PPP2R2B: variants seen among roughly 807,000 people sequenced by gnomAD.
The protein encoded by PPP2R2B is serine/threonine-protein phosphatase 2A 55 kDa regulatory subunit B beta isoform.
Under a neutral mutation model 46.0 loss-of-function variants are expected in PPP2R2B, and 5 were observed. The observed-to-expected ratio is 0.11, with a 90% CI of 0.06 to 0.23. PPP2R2B has a LOEUF of 0.23. Ranked by LOEUF, PPP2R2B falls within the 10% of genes least tolerant of loss-of-function variation. PPP2R2B has a pLI of 1.00. For missense variants in PPP2R2B, 367 were observed against 575.0 expected (o/e 0.64, Z 3.70); for synonymous variants, 215 against 206.7 (o/e 1.04, Z -0.34).
intron 2 of PPP2R2B, among the ~76,000 whole-genome samples, chr5:146,856,091 G>A (rs1044017903): frequency 6.6e-6 from 1 of 151,850 alleles, no homozygotes; most frequent in Non-Finnish European, 1.5e-5. Flanking sequence ...TTTTCTTTGT[G>A]TCTTGACCCC....
At chr5:147,015,276 C>A (rs1444579340) in intron 1 of PPP2R2B, among the ~76,000 whole-genome samples, 1 of 151,578 alleles carries the variant, frequency 6.6e-6, no homozygotes, top group Non-Finnish European at 1.5e-5. Flanking sequence ...TTTTAAAATT[C>A]TCATTGAATT....
chr5:146,661,332 C>T (rs779748225), intron 5 of PPP2R2B, among the ~76,000 whole-genome samples: 11 of 152,050 alleles, frequency 7.2e-5, no homozygotes, highest in Non-Finnish European at 1.2e-4. Flanking sequence ...GAACACAGTC[C>T]AAATCTAGGG....
intron 2 of PPP2R2B, among the ~76,000 whole-genome samples, chr5:146,843,832 T>G (rs1266922470): frequency 1.3e-5 from 2 of 152,084 alleles, no homozygotes; most frequent in African/African-American, 4.8e-5. Flanking sequence ...TGCCACATTT[T>G]CTTAATCCAG....
chr5:146,669,099 A>G (rs2151118401), intron 5 of PPP2R2B, among the ~76,000 whole-genome samples: 1 of 152,326 alleles, frequency 6.6e-6, no homozygotes, highest in East Asian at 1.9e-4. Context: ...GTTCATTTAA[A>G]ATCACTGTAG....
At chr5:146,639,488 A>G (rs1775051266) in intron 6 of PPP2R2B, among the ~76,000 whole-genome samples, 1 of 152,160 alleles carries the variant, frequency 6.6e-6, no homozygotes, top group Non-Finnish European at 1.5e-5. Flanking sequence ...TGAGTGAAGG[A>G]GTGGGTTTGT....
Position 146,999,885 on chromosome 5 carries a change from G to A in PPP2R2B, c.79+55780C>T, listed in dbSNP as rs78476464. The stretch of plus-strand genomic sequence containing the variant: ...TACATACTGCATGTAAAGGCCACAG[G>A]GAAAGTCTTGAAACTTGAACTTCCA... On this transcript the variant is annotated intron_variant, in intron 1 of 8. Coordinates refer to the PPP2R2B transcript ENST00000336640. 1.3e-4 allele frequency among the ~76,000 whole-genome samples: 20 copies of A among 152,290 alleles called. No individual in the cohort carries two copies. In the East Asian group the frequency reaches 3.9e-3, roughly 29 times the overall value.
chr5:146,775,082 A>G (rs1001056329), intron 2 of PPP2R2B, among the ~76,000 whole-genome samples: 9 of 152,150 alleles, frequency 5.9e-5, no homozygotes, highest in Non-Finnish European at 1.5e-5. Flanking sequence ...ATCCTTCTCA[A>G]ACTCTTTCAA....
rs186218177 is a variant in PPP2R2B at position 146,854,330 on chromosome 5, T to A, written c.70+23672A>T. Among the ~76,000 whole-genome samples, 55 of 152,266 alleles carry A rather than the reference T, an allele frequency of 3.6e-4. 1 individual carries two copies. The East Asian group carries it at 0.01, about 28-fold the overall frequency. On this transcript the variant is annotated intron_variant, in intron 2 of 9. Transcript: ENST00000394411. The stretch of plus-strand genomic sequence containing the variant: ...ATGTTACATATTTATGGGGTACATG[T>A]GATATTTTATTACATGCATAGAATG...
chr5:146,761,860 A>G (rs569697488), intron 2 of PPP2R2B, among the ~76,000 whole-genome samples: 1 of 152,100 alleles, frequency 6.6e-6, no homozygotes, highest in Non-Finnish European at 1.5e-5. Flanking sequence ...CCCTGGCTTG[A>G]TGAGGGATAA....
chr5:146,733,156 C>T (rs1490807070), intron 2 of PPP2R2B, among the ~76,000 whole-genome samples: 2 of 152,166 alleles, frequency 1.3e-5, no homozygotes, highest in South Asian at 2.1e-4. Context: ...AGGTGCTGTT[C>T]CCGCAATCTG....
chr5:146,591,660 A>AGAG (rs960291290), intron 9 of PPP2R2B, among the ~76,000 whole-genome samples: 2 of 150,300 alleles, frequency 1.3e-5, no homozygotes, highest in African/African-American at 5.0e-5. Flanking sequence ...TAAACAAGTA[A>AGAG]GAGATTATTT....
intron 2 of PPP2R2B, among the ~76,000 whole-genome samples, chr5:146,744,404 T>C (rs2151225234): frequency 6.6e-6 from 1 of 152,344 alleles, no homozygotes. Context: ...AACTTGGCCC[T>C]TAGGCTTCAG....
rs535418955 is a variant in PPP2R2B at position 146,823,947 on chromosome 5, G to A, written c.70+54055C>T. On this transcript the variant is annotated intron_variant, in intron 2 of 9. Coordinates refer to ENST00000394411, the MANE Select transcript of PPP2R2B (RefSeq NM_181675.4). Reference sequence around the variant, plus strand: ...AGCAAGTACCATCTGAAAGCTTAGGGGTAGCACTCCATTTCCCTCCTGGAT... The same window carrying A: ...AGCAAGTACCATCTGAAAGCTTAGGAGTAGCACTCCATTTCCCTCCTGGAT... Among the ~76,000 whole-genome samples the A allele has an allele frequency of 1.6e-4, 25 of 152,206 alleles. 1 individual carries two copies. The South Asian group carries it at 4.6e-3, about 28-fold the overall frequency.
chr5:146,913,908 G>A (rs1763281301), intron 1 of PPP2R2B, among the ~76,000 whole-genome samples: 2 of 152,130 alleles, frequency 1.3e-5, no homozygotes, highest in South Asian at 2.1e-4. Context: ...TACTACTTAC[G>A]TGGTCTTTGG....
intron 5 of PPP2R2B, among the ~76,000 whole-genome samples, chr5:146,651,605 A>G (rs1775963336): frequency 4.6e-5 from 7 of 152,182 alleles, no homozygotes. Flanking sequence ...GAATAAGAAC[A>G]CTAATGCCTG....
chr5:146,799,736 G>T (rs1756754214), intron 2 of PPP2R2B, among the ~76,000 whole-genome samples: 1 of 152,186 alleles, frequency 6.6e-6, no homozygotes, highest in African/African-American at 2.4e-5. Flanking sequence ...TGTAATTTCT[G>T]CATATTTTAA....
At chr5:147,047,293 G>A (rs1756588941) in intron 1 of PPP2R2B, among the ~76,000 whole-genome samples, 1 of 152,066 alleles carries the variant, frequency 6.6e-6, no homozygotes, top group South Asian at 2.1e-4. Flanking sequence ...TCTGGGAGGA[G>A]AATATTAAAC....
intron 2 of PPP2R2B, among the ~76,000 whole-genome samples, chr5:146,848,676 G>T (rs935015689): frequency 1.3e-5 from 2 of 151,646 alleles, no homozygotes; most frequent in East Asian, 3.9e-4. Context: ...TGTTTGTCAG[G>T]TTTCTCCACT....
chr5:146,605,613 A>T (rs1224226821), intron 7 of PPP2R2B, among the ~76,000 whole-genome samples: 1 of 152,010 alleles, frequency 6.6e-6, no homozygotes, highest in African/African-American at 2.4e-5. Context: ...TGCCCTGCTG[A>T]CTCCATCTGC....
Sources: gnomAD v4.1 joint callset for allele counts (sites outside exome capture counted in the v4.1 genomes callset) on GRCh38, gnomAD v4.1.1 for gene constraint, MANE v1.5 for transcripts, NCBI Gene and HGNC (gene_info 2026-07-23, HGNC 2026-07-21) for gene names.